STAG1: variants seen among roughly 807,000 people sequenced by gnomAD.
STAG1 encodes the protein cohesin subunit SA-1.
Under a neutral mutation model 170.9 loss-of-function variants are expected in STAG1, and 26 were observed. That is an observed-to-expected ratio of 0.15 (90% confidence interval 0.11 to 0.21). The LOEUF (loss-of-function observed/expected upper bound fraction) is 0.21, where lower values mean the gene tolerates loss of function less well. Ranked by LOEUF, STAG1 falls within the 10% of genes least tolerant of loss-of-function variation. The pLI is 1.00. For synonymous variants in STAG1, 514 were observed against 497.7 expected (o/e 1.03, Z -0.44); for missense variants, 964 against 1,509.5 (o/e 0.64, Z 5.99).
At chr3:136,736,561 C>G in intron 1 of STAG1, 1 of 1,508,252 alleles carries the variant, frequency 6.6e-7, no homozygotes, top group Non-Finnish European at 9.2e-7. Context: ...TCTTTCTTCC[C>G]CTTTGTATTG....
intron 13 of STAG1, among the ~76,000 whole-genome samples, chr3:136,453,774 T>C (rs894642388): frequency 6.7e-6 from 1 of 149,646 alleles, no homozygotes; most frequent in African/African-American, 2.4e-5. Context: ...AAACGGTATA[T>C]GTATATAGCA....
intron 7 of STAG1, among the ~76,000 whole-genome samples, chr3:136,519,522 C>A (rs1052286679): frequency 4.6e-5 from 7 of 151,918 alleles, no homozygotes; most frequent in Middle Eastern, 6.3e-3. Context: ...GCAATTTCTA[C>A]TTTATTTTCA....
rs1012524084 is a variant in STAG1 at position 136,364,590 on chromosome 3, ACCC to A, written c.2686-1126_2686-1124del. 1.4e-3 allele frequency among the ~76,000 whole-genome samples: 213 copies of A among 152,084 alleles called. 2 individuals carry two copies. The highest frequency in any genetic ancestry group is 5.0e-3 in the African/African-American group (209 of 41,466). ...CTTTGTGCACTATCTCATCCCTGTA[ACCC>A]CCCCATCAACATGTCTATATTTTAC... is the stretch of plus-strand genomic sequence containing the variant. On this transcript the variant is annotated intron_variant, in intron 25 of 33. Coordinates refer to ENST00000383202, the MANE Select transcript of STAG1 (RefSeq NM_005862.3).
intron 22 of STAG1, among the ~76,000 whole-genome samples, chr3:136,391,619 C>G (rs530067562): frequency 6.2e-4 from 94 of 152,302 alleles, no homozygotes; most frequent in African/African-American, 2.0e-3. Flanking sequence ...TTGTGATCTG[C>G]CCGCCTCGGC....
chr3:136,564,787 A>G (rs1418981826), intron 5 of STAG1, among the ~76,000 whole-genome samples: 2 of 152,018 alleles, frequency 1.3e-5, no homozygotes, highest in Non-Finnish European at 2.9e-5. Context: ...CATTCATTAG[A>G]GAAATACAAA....
intron 1 of STAG1, among the ~76,000 whole-genome samples, chr3:136,645,152 T>C (rs1559927728): frequency 1.3e-5 from 2 of 152,142 alleles, no homozygotes; most frequent in South Asian, 4.1e-4. Flanking sequence ...GCTTTTTAAG[T>C]CCCAAAACAC....
intron 9 of STAG1, among the ~76,000 whole-genome samples, chr3:136,478,444 C>A (rs967697522): frequency 3.3e-5 from 5 of 152,100 alleles, no homozygotes; most frequent in African/African-American, 4.8e-5. Context: ...TTAGCCTTAG[C>A]TTTAAGAAAA....
intron 21 of STAG1, among the ~76,000 whole-genome samples, chr3:136,407,032 CT>C (rs879730458): frequency 6.4e-4 from 95 of 147,452 alleles, no homozygotes; most frequent in Middle Eastern, 3.5e-3. Flanking sequence ...TTTGCAATCT[CT>C]TTTTTTTTTT....
intron 14 of STAG1, among the ~76,000 whole-genome samples, chr3:136,451,443 G>A (rs2088939059): frequency 6.6e-6 from 1 of 151,942 alleles, no homozygotes; most frequent in African/African-American, 2.4e-5. Context: ...AAAGCTACAG[G>A]CATAAAAACA....
intron 6 of STAG1, among the ~76,000 whole-genome samples, chr3:136,523,014 T>C (rs1256090139): frequency 1.3e-5 from 2 of 152,182 alleles, no homozygotes; most frequent in Admixed American, 1.3e-4. Context: ...TTGTGAATAG[T>C]GCCGCAATAA....
intron 5 of STAG1, among the ~76,000 whole-genome samples, chr3:136,546,082 T>C (rs963460160): frequency 2.6e-5 from 4 of 152,178 alleles, no homozygotes; most frequent in Non-Finnish European, 5.9e-5. Context: ...GTTTGAGCCA[T>C]GCTAGTATAG....
chr3:136,627,174 CAACA>C (rs1940142885), intron 2 of STAG1, among the ~76,000 whole-genome samples: 1 of 152,080 alleles, frequency 6.6e-6, no homozygotes. Flanking sequence ...GAACTATTGC[CAACA>C]AACAGCTAAT....
intron 1 of STAG1, among the ~76,000 whole-genome samples, chr3:136,751,709 A>G (rs1935252656): frequency 6.6e-6 from 1 of 151,736 alleles, no homozygotes; most frequent in South Asian, 2.1e-4. Context: ...CCGCCGCTAA[A>G]ACACCGCAGA....
rs939119124 is a variant in STAG1, at chr3:136,702,606, G to A, written c.-84+49589C>T. ...TCACCATGTCGGCCAGGCTAGTCTC[G>A]AACTCCTGACCTGAGGTGATCCACC... On this transcript the variant is annotated intron_variant, in intron 1 of 33. Transcript: ENST00000383202. Among the ~76,000 whole-genome samples, 34 of 151,884 alleles carry A rather than the reference G, an allele frequency of 2.2e-4. 1 individual carries two copies. Among genetic ancestry groups the A allele is most frequent in the Admixed American group, 2.1e-3 (32 of 15,260 alleles).
intron 1 of STAG1, among the ~76,000 whole-genome samples, chr3:136,700,503 T>A (rs1261277594): frequency 6.6e-6 from 1 of 151,404 alleles, no homozygotes; most frequent in Non-Finnish European, 1.5e-5. Context: ...CACCGCAACC[T>A]CCACCTCCCA....
intron 14 of STAG1, among the ~76,000 whole-genome samples, chr3:136,448,276 G>C (rs898069077): frequency 1.3e-5 from 2 of 152,128 alleles, no homozygotes; most frequent in Non-Finnish European, 2.9e-5. Context: ...TCTGTGTACT[G>C]GTCTGTTCTC....
rs148137200 is a variant in STAG1 at position 136,518,713 on chromosome 3, T to A, written c.676+2500A>T. Reference sequence around the variant, plus strand: ...GAGAACAACTGAAAAGTTTTATCCTTTGAAAATTCCGTATAAACGTATGTT... The same window carrying A: ...GAGAACAACTGAAAAGTTTTATCCTATGAAAATTCCGTATAAACGTATGTT... On this transcript the variant is annotated intron_variant, in intron 7 of 33. Transcript: ENST00000383202. Among the ~76,000 whole-genome samples, 59 of 152,268 alleles carry A rather than the reference T, an allele frequency of 3.9e-4. No individual in the cohort carries two copies. The East Asian group carries it at 0.011, about 29-fold the overall frequency.
At position 136,340,770 on chromosome 3, in the gene STAG1, C is replaced by T. The variant is rs558875806; in HGVS notation, c.3558-165G>A. Among the ~76,000 whole-genome samples the T allele has an allele frequency of 6.6e-5, 10 of 152,300 alleles. 1 individual carries two copies. The South Asian group carries it at 1.9e-3, about 28-fold the overall frequency. On this transcript the variant is annotated intron_variant, in intron 31 of 33. Coordinates refer to ENST00000383202, the MANE Select transcript of STAG1 (RefSeq NM_005862.3). Reference sequence around the variant, plus strand: ...ATTCCAAGACAATTAAGAATCATTCCTTTGGTTCATTCAAGATTTCATCTC... The same window carrying T: ...ATTCCAAGACAATTAAGAATCATTCTTTTGGTTCATTCAAGATTTCATCTC...
At chr3:136,509,265 T>G (rs993341016) in intron 7 of STAG1, among the ~76,000 whole-genome samples, 1 of 152,112 alleles carries the variant, frequency 6.6e-6, no homozygotes, top group Non-Finnish European at 1.5e-5. Context: ...ATCAGCTAAA[T>G]GTGAAGACTG....
Sources: gnomAD v4.1 joint callset for allele counts (sites outside exome capture counted in the v4.1 genomes callset) on GRCh38, gnomAD v4.1.1 for gene constraint, MANE v1.5 for transcripts, NCBI Gene and HGNC (gene_info 2026-07-23, HGNC 2026-07-21) for gene names.